Variants in TAFA4 observed in about 807,000 individuals in gnomAD.
The protein encoded by TAFA4 is TAFA chemokine like family member 4.
A neutral mutation model predicts 21.1 loss-of-function variants in TAFA4; 20 were observed. The ratio of observed to expected loss-of-function variants is 0.95; its 90% CI spans 0.67 to 1.38. The LOEUF is 1.38. Ranked by LOEUF, TAFA4 falls within the 40% of genes most tolerant of loss-of-function variation. The pLI is 0.00. For missense variants in TAFA4, 211 were observed against 180.9 expected (o/e 1.17, Z -0.95); for synonymous variants, 71 against 67.4 (o/e 1.05, Z -0.26).
Position 68,760,279 on chromosome 3 carries a change from T to C in TAFA4, c.131-7261A>G, listed in dbSNP as rs192006900. Among the ~76,000 whole-genome samples the C allele has an allele frequency of 2.4e-3, 362 of 152,334 alleles. 3 individuals are homozygous for C. The highest frequency in any genetic ancestry group is 7.8e-3 in the African/African-American group (324 of 41,584). ...CATATCATTTTTTTCTTATTAAATATACTTTTAAGAAAAGTTTCAAACAAT... is the reference window on the plus strand; with the variant it reads ...CATATCATTTTTTTCTTATTAAATACACTTTTAAGAAAAGTTTCAAACAAT... On this transcript the variant is annotated intron_variant, in intron 3 of 5. Transcript: ENST00000295569.
At chr3:68,844,196 C>A (rs1336385049) in intron 3 of TAFA4, among the ~76,000 whole-genome samples, 1 of 152,138 alleles carries the variant, frequency 6.6e-6, no homozygotes. Context: ...AATTTCAGAA[C>A]TTGTTATTGG....
At chr3:68,911,103 C>T (rs537381918) in intron 1 of TAFA4, among the ~76,000 whole-genome samples, 36 of 152,290 alleles carry the variant, frequency 2.4e-4, no homozygotes, top group African/African-American at 8.2e-4. Context: ...GTTAAGGGCA[C>T]GGTTCACATT....
chr3:68,893,226 A>C (rs891888181), intron 1 of TAFA4, among the ~76,000 whole-genome samples: 8 of 152,232 alleles, frequency 5.3e-5, no homozygotes, highest in African/African-American at 1.9e-4. Context: ...CAAGTACTTG[A>C]ATTTTATCTG....
chr3:68,737,438 C>G (rs1702265006), intron 5 of TAFA4, among the ~76,000 whole-genome samples: 1 of 152,206 alleles, frequency 6.6e-6, no homozygotes, highest in East Asian at 1.9e-4. Context: ...GACATAAAAG[C>G]AGATATCAGA....
intron 3 of TAFA4, among the ~76,000 whole-genome samples, chr3:68,845,743 G>A (rs185602745): frequency 2.5e-4 from 38 of 152,286 alleles, no homozygotes; most frequent in Non-Finnish European, 3.8e-4. Flanking sequence ...GCATTTGCTT[G>A]TCTGTAAAGG....
At chr3:68,739,649 A>G (rs1296672640) in intron 4 of TAFA4, among the ~76,000 whole-genome samples, 1 of 152,230 alleles carries the variant, frequency 6.6e-6, no homozygotes, top group East Asian at 1.9e-4. Context: ...AGGACGGGAT[A>G]AAGAAAATGT....
At chr3:68,925,012 T>C (rs201105043) in intron 1 of TAFA4, among the ~76,000 whole-genome samples, 3 of 152,096 alleles carry the variant, frequency 2.0e-5, no homozygotes, top group African/African-American at 7.2e-5. Context: ...GAGAATGAGA[T>C]TGGTACCAAG....
At chr3:68,877,883 T>C (rs1408763985) in intron 3 of TAFA4, among the ~76,000 whole-genome samples, 1 of 152,222 alleles carries the variant, frequency 6.6e-6, no homozygotes, top group Non-Finnish European at 1.5e-5. Flanking sequence ...ATGTTTACTA[T>C]GTGCTAATCC....
chr3:68,911,218 T>G (rs1185582324), intron 1 of TAFA4, among the ~76,000 whole-genome samples: 1 of 152,164 alleles, frequency 6.6e-6, no homozygotes, highest in Non-Finnish European at 1.5e-5. Context: ...TCCTCCATGA[T>G]CCATTTTTTT....
chr3:68,769,013 G>A (rs995752829), intron 3 of TAFA4, among the ~76,000 whole-genome samples: 2 of 152,186 alleles, frequency 1.3e-5, no homozygotes, highest in Non-Finnish European at 2.9e-5. Flanking sequence ...AAATTCTGGT[G>A]TTCCATTGCA....
At chr3:68,741,450 T>G (rs998392718) in intron 4 of TAFA4, among the ~76,000 whole-genome samples, 12 of 152,134 alleles carry the variant, frequency 7.9e-5, no homozygotes, top group Non-Finnish European at 8.8e-5. Context: ...GAGTTTTGGA[T>G]GTAGATTTTG....
chr3:68,784,317 G>A (rs1279709582), intron 3 of TAFA4, among the ~76,000 whole-genome samples: 2 of 152,232 alleles, frequency 1.3e-5, no homozygotes, highest in African/African-American at 2.4e-5. Flanking sequence ...CTGACTTCAA[G>A]AATGAAGCTG....
At chr3:68,779,825 TG>T (rs1703122490) in intron 3 of TAFA4, among the ~76,000 whole-genome samples, 1 of 152,172 alleles carries the variant, frequency 6.6e-6, no homozygotes, top group African/African-American at 2.4e-5. Flanking sequence ...GAGTCTCTAC[TG>T]GGGCACCACC....
intron 3 of TAFA4, among the ~76,000 whole-genome samples, chr3:68,803,664 G>C (rs1703623056): frequency 6.7e-6 from 1 of 148,774 alleles, no homozygotes; most frequent in African/African-American, 2.5e-5. Flanking sequence ...CCCTGTGTTT[G>C]TTTTTCAATA....
chr3:68,868,549 A>AT (rs1350876948), intron 3 of TAFA4, among the ~76,000 whole-genome samples: 1 of 151,904 alleles, frequency 6.6e-6, no homozygotes, highest in Non-Finnish European at 1.5e-5. Context: ...GATATCAAGT[A>AT]TTTTTTTCTG....
At chr3:68,865,598 G>T (rs113164716) in intron 3 of TAFA4, among the ~76,000 whole-genome samples, 1 of 152,026 alleles carries the variant, frequency 6.6e-6, no homozygotes, top group Non-Finnish European at 1.5e-5. Flanking sequence ...ACTGTGAGTC[G>T]ATTAAACCTC....
chr3:68,768,265 G>C (rs1289761708), intron 3 of TAFA4, among the ~76,000 whole-genome samples: 1 of 151,962 alleles, frequency 6.6e-6, no homozygotes, highest in Non-Finnish European at 1.5e-5. Context: ...TAGTAAAAAA[G>C]GCAAATAATC....
At chr3:68,834,381 T>TTTTTGTTAA (rs1704473067) in intron 3 of TAFA4, among the ~76,000 whole-genome samples, 1 of 152,196 alleles carries the variant, frequency 6.6e-6, no homozygotes, top group Non-Finnish European at 1.5e-5. Context: ...CTATATAACT[T>TTTTTGTTAA]TTTTGTTAAT....
At chr3:68,863,283 T>C (rs1559546983) in intron 3 of TAFA4, among the ~76,000 whole-genome samples, 1 of 151,996 alleles carries the variant, frequency 6.6e-6, no homozygotes. Context: ...GCTCACAGTA[T>C]ATTTCCAGTA....
Sources: gnomAD v4.1 joint callset for allele counts (sites outside exome capture counted in the v4.1 genomes callset) on GRCh38, gnomAD v4.1.1 for gene constraint, MANE v1.5 for transcripts, NCBI Gene and HGNC (gene_info 2026-07-23, HGNC 2026-07-21) for gene names.